The following WSCD2 variants were observed in gnomAD, a reference collection of about 807,000 sequenced individuals.
WSCD2 encodes the protein WSC domain sialate O sulfotransferase 2, also known as sialate:O-sulfotransferase 2.
In WSCD2, 28 loss-of-function variants were observed where a neutral mutation model predicts 55.7. The observed-to-expected ratio is 0.50, with a 90% CI of 0.37 to 0.69. The LOEUF is 0.69. Ranked by LOEUF, WSCD2 falls within the 30% of genes least tolerant of loss-of-function variation. The pLI is 0.00. For missense variants in WSCD2, 616 were observed against 762.1 expected (o/e 0.81, Z 2.26); for synonymous variants, 301 against 301.9 (o/e 1.00, Z 0.03).
At position 108,222,521 on chromosome 12, in the gene WSCD2, A is replaced by T. The variant is rs538651404; in HGVS notation, c.683-2218A>T. ...GTCTGTTCTTGTGCTGATGGTTTTG[A>T]TCACACTGTGTTAACAATGCCCTTT... On this transcript the variant is annotated intron_variant, in intron 4 of 8. Transcript: ENST00000547525. Among the ~76,000 whole-genome samples the T allele has an allele frequency of 5.3e-5, 8 of 152,356 alleles. No individual in the cohort carries two copies. In the South Asian group the frequency reaches 8.3e-4, roughly 16 times the overall value.
At chr12:108,146,623 G>A (rs1877419961) in intron 1 of WSCD2, among the ~76,000 whole-genome samples, 1 of 152,210 alleles carries the variant, frequency 6.6e-6, no homozygotes, top group Non-Finnish European at 1.5e-5. Flanking sequence ...GGCTGGGCAG[G>A]GATTTGAATC....
At chr12:108,176,458 C>T (rs1038642286) in intron 1 of WSCD2, among the ~76,000 whole-genome samples, 21 of 152,158 alleles carry the variant, frequency 1.4e-4, no homozygotes, top group Non-Finnish European at 2.9e-4. Flanking sequence ...ATGCATGATG[C>T]CTTTGAGGTT....
intron 4 of WSCD2, among the ~76,000 whole-genome samples, chr12:108,222,058 A>G (rs11612109): frequency 0.017 from 2,531 of 152,338 alleles, 37 homozygotes; most frequent in Non-Finnish European, 0.029. Context: ...GGTAGAAAGA[A>G]TCACTAGGGA....
intron 4 of WSCD2, among the ~76,000 whole-genome samples, chr12:108,223,281 G>C (rs547954609): frequency 5.3e-5 from 8 of 152,304 alleles, no homozygotes; most frequent in African/African-American, 1.7e-4. Context: ...CACACCTACT[G>C]TCCAGGGACA....
rs1462360652 is a variant in WSCD2, at chr12:108,250,169, C to CGTG, written c.*1826_*1827insGTG. On this transcript the variant is annotated 3_prime_UTR_variant, in exon 9 of 9. Transcript: ENST00000547525. ...ACAGGTTCACAAATGGGATGTTTTC[C>CGTG]TAGTGTGTGTGTGTGTGTGTGTGTG... is the stretch of plus-strand genomic sequence containing the variant. 2 of 91,004 alleles carry CGTG rather than the reference C, an allele frequency of 2.2e-5. No individual in the cohort carries two copies. The highest frequency in any genetic ancestry group is 4.7e-5 in the Non-Finnish European group (2 of 42,368). 5.6% of individuals were successfully genotyped at this position (91,004 alleles called of 1,614,324 possible). A position where few individuals can be genotyped will look rare whatever the true frequency, so the allele number is the denominator to read the frequency against.
At chr12:108,131,151 A>T (rs188141849) in intron 1 of WSCD2, among the ~76,000 whole-genome samples, 2 of 152,190 alleles carry the variant, frequency 1.3e-5, no homozygotes, top group Non-Finnish European at 1.5e-5. Context: ...CCAGGGCGTC[A>T]GAATCTGGTG....
intron 1 of WSCD2, among the ~76,000 whole-genome samples, chr12:108,190,793 G>A (rs542010360): frequency 2.0e-5 from 3 of 152,210 alleles, no homozygotes; most frequent in African/African-American, 7.2e-5. Flanking sequence ...CCAGCCCTGG[G>A]GGGGAGGCAG....
At chr12:108,212,217 G>T (rs1039647151) in intron 4 of WSCD2, among the ~76,000 whole-genome samples, 1 of 152,120 alleles carries the variant, frequency 6.6e-6, no homozygotes, top group African/African-American at 2.4e-5. Flanking sequence ...TTAACTTAGT[G>T]GCAGATTTGT....
At chr12:108,209,057 C>T (rs1261356178) in intron 3 of WSCD2, among the ~76,000 whole-genome samples, 6 of 152,186 alleles carry the variant, frequency 3.9e-5, no homozygotes, top group South Asian at 4.1e-4. Context: ...TCCTCCATCT[C>T]AGGTTTTGTC....
At chr12:108,227,785 T>C (rs2137174538) in intron 6 of WSCD2, among the ~76,000 whole-genome samples, 1 of 152,100 alleles carries the variant, frequency 6.6e-6, no homozygotes, top group Admixed American at 6.6e-5. Flanking sequence ...ATGATCATAA[T>C]GATGGTGATG....
chr12:108,147,970 C>T (rs912208997), intron 1 of WSCD2, among the ~76,000 whole-genome samples: 4 of 152,206 alleles, frequency 2.6e-5, no homozygotes, highest in African/African-American at 9.7e-5. Flanking sequence ...CATCCCATTC[C>T]TGGCCTCTTC....
chr12:108,234,702 G>A (rs956921073), intron 7 of WSCD2, among the ~76,000 whole-genome samples: 7 of 152,206 alleles, frequency 4.6e-5, no homozygotes, highest in Non-Finnish European at 8.8e-5. Context: ...CAGTGGCTGT[G>A]GAATGCAAGT....
chr12:108,135,376 A>G (rs927644495), intron 1 of WSCD2, among the ~76,000 whole-genome samples: 3 of 152,234 alleles, frequency 2.0e-5, no homozygotes, highest in Non-Finnish European at 4.4e-5. Context: ...GTTCCAGTCC[A>G]GACTTTACCC....
At chr12:108,233,333 T>C (rs1342801209) in intron 7 of WSCD2, among the ~76,000 whole-genome samples, 1 of 152,238 alleles carries the variant, frequency 6.6e-6, no homozygotes, top group African/African-American at 2.4e-5. Context: ...CCTCTCCACA[T>C]TTAAGTCGAC....
intron 1 of WSCD2, among the ~76,000 whole-genome samples, chr12:108,180,050 C>CAAAAAAAAAAAAAAA (rs59925486): frequency 6.3e-4 from 74 of 116,636 alleles, no homozygotes; most frequent in Non-Finnish European, 8.3e-4. Flanking sequence ...CTCAAAAAAA[C>CAAAAAAAAAAAAAAA]AAAAAAAAAA....
intron 7 of WSCD2, among the ~76,000 whole-genome samples, chr12:108,238,298 T>C (rs1889427837): frequency 6.6e-6 from 1 of 152,216 alleles, no homozygotes; most frequent in Non-Finnish European, 1.5e-5. Flanking sequence ...AAGCTAGGCT[T>C]ATCCCAGGCA....
chr12:108,227,472 G>A (rs554813889), intron 6 of WSCD2, among the ~76,000 whole-genome samples: 1 of 152,338 alleles, frequency 6.6e-6, no homozygotes, highest in South Asian at 2.1e-4. Flanking sequence ...GATTCACTGT[G>A]TTATCCCGGA....
chr12:108,247,855 C>T, intron 8 of WSCD2, 136 bp from the exon 9 acceptor site: 2 of 1,021,788 alleles, frequency 2.0e-6, no homozygotes, highest in Non-Finnish European at 2.8e-6. Flanking sequence ...CCTCACCTGG[C>T]CTGTATTATT....
At chr12:108,145,433 C>T (rs1436536380) in intron 1 of WSCD2, among the ~76,000 whole-genome samples, 1 of 152,178 alleles carries the variant, frequency 6.6e-6, no homozygotes, top group Non-Finnish European at 1.5e-5. Context: ...GGGTCTTGTT[C>T]AGTAGGCTTC....
Sources: gnomAD v4.1 joint callset for allele counts (sites outside exome capture counted in the v4.1 genomes callset) on GRCh38, gnomAD v4.1.1 for gene constraint, MANE v1.5 for transcripts, NCBI Gene and HGNC (gene_info 2026-07-23, HGNC 2026-07-21) for gene names.